CFAP46: variants seen among roughly 807,000 people sequenced by gnomAD.
CFAP46 encodes cilia- and flagella-associated protein 46.
Under a neutral mutation model 325.7 loss-of-function variants are expected in CFAP46, and 245 were observed. That is an observed-to-expected ratio of 0.75 (90% CI 0.68 to 0.84). The LOEUF (loss-of-function observed/expected upper bound fraction) is 0.84. Among genes scored for constraint, CFAP46 ranks in the 40% least tolerant of loss-of-function variants. The probability of loss-of-function intolerance (pLI) is 0.00; values close to 1 mark genes in which losing one functional copy is unlikely to be tolerated. For missense variants in CFAP46, 3,346 were observed against 3,543.0 expected (o/e 0.94, Z 1.41); for synonymous variants, 1,523 against 1,495.9 (o/e 1.02, Z -0.42).
intron 57 of CFAP46, 67 bp downstream of exon 57, chr10:132,810,342 C>T (rs376233539): frequency 2.3e-5 from 31 of 1,338,774 alleles, no homozygotes; most frequent in South Asian, 8.2e-5. Context: ...GTGCAGTGCA[C>T]GTGCCCCATG....
At chr10:132,906,443 ACGGGG>A (rs1232025136) in intron 22 of CFAP46, among the ~76,000 whole-genome samples, 28 of 152,208 alleles carry the variant, frequency 1.8e-4, no homozygotes, top group African/African-American at 6.5e-4. Context: ...AGAAGAGTGA[ACGGGG>A]TCCTGGCGCG....
rs1195770209 is a variant in CFAP46, at chr10:132,893,316, T to C, written c.3220-899A>G. 2.6e-5 allele frequency among the ~76,000 whole-genome samples: 4 copies of C among 152,340 alleles called. No homozygotes were observed. In the East Asian group the frequency reaches 5.8e-4, roughly 22 times the overall value. The stretch of plus-strand genomic sequence containing the variant: ...AATACGCTGGAAGTCAGCCAATGTA[T>C]TGAGACAGCCAGGTGGGAAGGGGTC... On this transcript the variant is annotated intron_variant, in intron 24 of 57. Coordinates refer to ENST00000368586, the MANE Select transcript of CFAP46 (RefSeq NM_001200049.3).
chr10:132,851,125 C>T lies in CFAP46; in HGVS notation c.5755G>A (p.Val1919Ile), dbSNP rs1384910406. Residue 1919 changes from valine (V) to isoleucine (I), a missense_variant, in exon 40 of 58, where the codon GTC becomes ATC. Transcript: ENST00000368586. ...GTGACCCCAGCAATTACCAGGCCGA[C>T]GGAAGTGTAGTCACTGGTGTTCTGC... ...YLQNTSDYTS[V>I]GLQWFTLKRT... 19 of 1,613,744 alleles carry T rather than the reference C, an allele frequency of 1.2e-5. No homozygotes were observed. The highest frequency in any genetic ancestry group is 6.6e-5 in the South Asian group (6 of 91,084).
At chr10:132,927,497 T>C (rs2135661592) in intron 9 of CFAP46, among the ~76,000 whole-genome samples, 1 of 152,170 alleles carries the variant, frequency 6.6e-6, no homozygotes, top group East Asian at 1.9e-4. Context: ...GTCCTGCATG[T>C]CTGGGCCTCG....
chr10:132,846,342 C>G, intron 43 of CFAP46, 115 bp from the exon 44 acceptor site: 1 of 1,284,386 alleles, frequency 7.8e-7, no homozygotes, highest in Non-Finnish European at 1.1e-6. Context: ...GCTGGCTCTC[C>G]TGGCAAGGCT....
At chr10:132,918,602 A>T in intron 15 of CFAP46, 82 bp from the exon 16 acceptor site, 1 of 1,452,982 alleles carries the variant, frequency 6.9e-7, no homozygotes, top group Non-Finnish European at 9.1e-7. Context: ...ACCATCTTGG[A>T]GTGCCTGAGC....
intron 31 of CFAP46, among the ~76,000 whole-genome samples, chr10:132,874,860 C>G (rs1426272033): frequency 6.6e-6 from 1 of 152,142 alleles, no homozygotes; most frequent in African/African-American, 2.4e-5. Context: ...GGATGTGCAA[C>G]ATAAAAATAG....
intron 32 of CFAP46, among the ~76,000 whole-genome samples, chr10:132,871,335 G>C (rs1039980972): frequency 7.2e-5 from 11 of 152,214 alleles, no homozygotes; most frequent in African/African-American, 2.4e-4. Context: ...GGATCAAGGA[G>C]GCATTTCGAC....
At chr10:132,824,239 G>A (rs1847977727) in intron 50 of CFAP46, among the ~76,000 whole-genome samples, 1 of 144,022 alleles carries the variant, frequency 6.9e-6, no homozygotes, top group Non-Finnish European at 1.5e-5. Context: ...TGTGTGCTGT[G>A]TGAGTGCTGA....
Position 132,942,510 on chromosome 10 carries a change from C to G in CFAP46, c.-26G>C, listed in dbSNP as rs1850125200. ...GGCGCCGGCGCCCTGCTCGTCCGCT[C>G]TCTCCGGGGTCCGCGGTGCGTCCTG... On this transcript the variant is annotated 5_prime_UTR_variant, in exon 1 of 58. Transcript: ENST00000368586. 1 of 1,265,074 alleles carries G rather than the reference C, an allele frequency of 7.9e-7. No individual in the cohort carries two copies. Among genetic ancestry groups the G allele is most frequent in the Non-Finnish European group, 9.9e-7 (1 of 1,006,676 alleles). 78.4% of individuals were successfully genotyped at this position (1,265,074 alleles called of 1,614,324 possible). A position where few individuals can be genotyped will look rare whatever the true frequency, so the allele number is the denominator to read the frequency against.
At chr10:132,881,638 CCGGGG>C (rs1849044215) in intron 27 of CFAP46, among the ~76,000 whole-genome samples, 9 of 151,772 alleles carry the variant, frequency 5.9e-5, no homozygotes, top group Admixed American at 3.9e-4. Context: ...GCCCTGCGAG[CCGGGG>C]TTAGCCTGCA....
chr10:132,879,629 C>T lies in CFAP46; in HGVS notation c.3802G>A (p.Glu1268Lys). The change falls in exon 29 of 58, where the codon GAG (glutamate) becomes AAG (lysine). Residue 1268 changes from glutamate (E) to lysine (K), a missense_variant and splice_region_variant. Transcript: ENST00000368586. Reference protein sequence around the residue: ...VPEPQPTPDGEYVAVEMPPRS... With the variant: ...VPEPQPTPDGKYVAVEMPPRS... Reference sequence around the variant, plus strand: ...GGGGGCATCTCCACAGCCACGTACTCCCCTGAAACACGGGGTGCCCGAGGC... The same window carrying T: ...GGGGGCATCTCCACAGCCACGTACTTCCCTGAAACACGGGGTGCCCGAGGC... 2 of 1,518,142 alleles carry T rather than the reference C, an allele frequency of 1.3e-6. No homozygotes were observed. Among genetic ancestry groups the T allele is most frequent in the South Asian group, 1.3e-5 (1 of 79,398 alleles). The allele number at this position is 1,518,142 out of a possible 1,614,324, so 94.0% of individuals were successfully genotyped here.
At chr10:132,846,403 G>A (rs902502410) in intron 43 of CFAP46, among the ~76,000 whole-genome samples, 176 bp from the exon 44 acceptor site, 4 of 152,206 alleles carry the variant, frequency 2.6e-5, no homozygotes, top group African/African-American at 4.8e-5. Context: ...GTGGGGCCAC[G>A]CTTGTTCCCT....
chr10:132,924,964 C>A, intron 10 of CFAP46, 78 bp from the exon 11 acceptor site: 1 of 1,219,222 alleles, frequency 8.2e-7, no homozygotes, highest in Non-Finnish European at 1.1e-6. Flanking sequence ...GCGTGCAGGG[C>A]ACACTGAGAA....
intron 10 of CFAP46, among the ~76,000 whole-genome samples, chr10:132,925,881 G>A (rs1849802489): frequency 6.6e-6 from 1 of 152,226 alleles, no homozygotes; most frequent in African/African-American, 2.4e-5. Context: ...TGGCTCCTCT[G>A]TACCCAGCGG....
chr10:132,928,526 C>CCAGATCAGCA lies in CFAP46; in HGVS notation c.966+1169_966+1178dup, dbSNP rs537194632. Among the ~76,000 whole-genome samples the CCAGATCAGCA allele has an allele frequency of 9.5e-3, 1,452 of 152,336 alleles. 15 individuals are homozygous for CCAGATCAGCA. Among genetic ancestry groups the CCAGATCAGCA allele is most frequent in the Non-Finnish European group, 0.015 (1,053 of 68,032 alleles). On this transcript the variant is annotated intron_variant, in intron 9 of 57. Coordinates refer to ENST00000368586, the MANE Select transcript of CFAP46 (RefSeq NM_001200049.3). ...TGCATCTCCTATTCTGAAACCATTT[C>CCAGATCAGCA]CAGATCAGCACAGCCCTCAGCGTGA...
chr10:132,909,291 G>A, intron 20 of CFAP46, 47 bp from the exon 21 acceptor site: 3 of 1,354,988 alleles, frequency 2.2e-6, no homozygotes, highest in South Asian at 1.2e-5. Flanking sequence ...CGTGCGGGGG[G>A]AGTCTGGAAT....
At chr10:132,835,194 G>C in intron 47 of CFAP46, 110 bp downstream of exon 47, 1 of 1,439,114 alleles carries the variant, frequency 6.9e-7, no homozygotes, top group Non-Finnish European at 9.3e-7. Context: ...AAGCCCTTCA[G>C]CAGCCTGGCC....
chr10:132,859,356 G>T, intron 37 of CFAP46, 109 bp from the exon 38 acceptor site: 1 of 886,606 alleles, frequency 1.1e-6, no homozygotes, highest in Non-Finnish European at 1.7e-6. Flanking sequence ...GATGCTCGGA[G>T]AAACGCTTTC....
Sources: gnomAD v4.1 joint callset for allele counts (sites outside exome capture counted in the v4.1 genomes callset) on GRCh38, gnomAD v4.1.1 for gene constraint, MANE v1.5 for transcripts, NCBI Gene and HGNC (gene_info 2026-07-23, HGNC 2026-07-21) for gene names.